SLAMF9: variants seen among roughly 807,000 people sequenced by gnomAD.
The protein encoded by SLAMF9 is CD2 family member 10.
SLAMF9 carries 25 observed loss-of-function variants against 30.4 expected under a neutral mutation model. The ratio of observed to expected loss-of-function variants is 0.82; its 90% CI spans 0.60 to 1.15. The LOEUF (loss-of-function observed/expected upper bound fraction) is 1.15. Ranked by LOEUF, SLAMF9 falls within the 50% of genes most tolerant of loss-of-function variation. The probability of loss-of-function intolerance (pLI) is 0.00; values close to 1 mark genes in which losing one functional copy is unlikely to be tolerated. For missense variants in SLAMF9, 344 were observed against 346.1 expected (o/e 0.99, Z 0.05); for synonymous variants, 129 against 127.2 (o/e 1.01, Z -0.09).
At chr1:159,958,318 G>C (rs1214782444), upstream of SLAMF9, among the ~76,000 whole-genome samples, 1 of 152,182 alleles carries the variant, frequency 6.6e-6, no homozygotes, top group Non-Finnish European at 1.5e-5. Flanking sequence ...TATTAAACCT[G>C]TCTCCATAAG....
chr1:159,979,987 G>A, the SLAMF9 span, among the ~76,000 whole-genome samples: 6 of 152,322 alleles, frequency 3.9e-5, no homozygotes, highest in African/African-American at 9.6e-5. Context: ...GGGTGGTGAG[G>A]TCTGGATGGA....
At chr1:159,973,497 G>A in the SLAMF9 span, among the ~76,000 whole-genome samples, 5 of 152,334 alleles carry the variant, frequency 3.3e-5, no homozygotes, top group African/African-American at 1.2e-4. Flanking sequence ...GTCAGAGGCA[G>A]AGGGGGCCTT....
At chr1:159,974,579 C>G in the SLAMF9 span, among the ~76,000 whole-genome samples, 1 of 152,202 alleles carries the variant, frequency 6.6e-6, no homozygotes, top group Non-Finnish European at 1.5e-5. Flanking sequence ...TCCTTAAAGG[C>G]TCCCAGAGGT....
chr1:159,958,134 C>G (rs546891267), upstream of SLAMF9, among the ~76,000 whole-genome samples: 1 of 152,350 alleles, frequency 6.6e-6, no homozygotes, highest in African/African-American at 2.4e-5. Flanking sequence ...AGGACTCTTG[C>G]TGTGCACAGC....
At chr1:159,956,806 C>T (rs988472010), upstream of SLAMF9, among the ~76,000 whole-genome samples, 3 of 152,112 alleles carry the variant, frequency 2.0e-5, no homozygotes, top group Admixed American at 6.5e-5. Flanking sequence ...CATAAGTTCA[C>T]TTAATGTGGA....
At chr1:159,956,457 T>G (rs1651924684), upstream of SLAMF9, among the ~76,000 whole-genome samples, 1 of 150,934 alleles carries the variant, frequency 6.6e-6, no homozygotes, top group African/African-American at 2.4e-5. Flanking sequence ...CCACCCAGAA[T>G]AGAGATGCAT....
At chr1:159,962,129 G>A in the SLAMF9 span, among the ~76,000 whole-genome samples, 1 of 151,838 alleles carries the variant, frequency 6.6e-6, no homozygotes, top group Non-Finnish European at 1.5e-5. Context: ...CTGTACTCCA[G>A]CCTGGGGACA....
At chr1:159,973,737 C>G in the SLAMF9 span, 3 of 1,499,556 alleles carry the variant, frequency 2.0e-6, no homozygotes, top group South Asian at 3.4e-5. Context: ...CTACTGATCT[C>G]TAGAGACGGG....
the SLAMF9 span, among the ~76,000 whole-genome samples, chr1:159,961,706 G>T: frequency 2.6e-5 from 4 of 152,168 alleles, no homozygotes; most frequent in African/African-American, 9.7e-5. Context: ...TCCTTGGGGT[G>T]GGGGAGAGAG....
chr1:159,981,217 C>G, the SLAMF9 span, among the ~76,000 whole-genome samples: 1 of 152,090 alleles, frequency 6.6e-6, no homozygotes, highest in Non-Finnish European at 1.5e-5. Flanking sequence ...GAAACCAGGA[C>G]ACAGATGCAC....
At chr1:159,968,545 CTCT>C in the SLAMF9 span, among the ~76,000 whole-genome samples, 1 of 152,202 alleles carries the variant, frequency 6.6e-6, no homozygotes, top group Admixed American at 6.5e-5. Flanking sequence ...ACCCATGGTA[CTCT>C]TCTCTCTTGG....
At chr1:159,975,960 T>A in the SLAMF9 span, among the ~76,000 whole-genome samples, 1 of 152,214 alleles carries the variant, frequency 6.6e-6, no homozygotes, top group Non-Finnish European at 1.5e-5. Context: ...AGTTAAAGTC[T>A]ATATGTAACT....
At chr1:159,967,630 C>T in the SLAMF9 span, among the ~76,000 whole-genome samples, 2 of 152,190 alleles carry the variant, frequency 1.3e-5, no homozygotes, top group African/African-American at 2.4e-5. Flanking sequence ...TTTTCTATTT[C>T]GCGAAGAGTG....
chr1:159,976,332 T>C, the SLAMF9 span, among the ~76,000 whole-genome samples: 1 of 152,114 alleles, frequency 6.6e-6, no homozygotes. Context: ...GAGCCCAAGA[T>C]AAAGTGTTAG....
In SLAMF9 at chr1:159,953,585, TGA is replaced by T; in HGVS notation, c.113_114del (p.Ile38LysfsTer10). On this transcript the variant is annotated frameshift_variant, in exon 2 of 4. Coordinates refer to ENST00000368093, the MANE Select transcript of SLAMF9 (RefSeq NM_033438.4). LOFTEE classifies it high-confidence loss of function. Reference protein sequence around the residue: ...EEVVAVLQESISLPLEIPPDE... With the variant: ...EEVVAVLQESXSLPLEIPPDE... The stretch of plus-strand genomic sequence containing the variant: ...TCTGGTGGTATTTCCAGGGGGAGGC[TGA>T]TGGACTCCTGAAGGACCGCAACCAC... 1 of 1,614,078 alleles carries T rather than the reference TGA, an allele frequency of 6.2e-7. No individual in the cohort carries two copies. Among genetic ancestry groups the T allele is most frequent in the Non-Finnish European group, 8.5e-7 (1 of 1,179,938 alleles).
chr1:159,958,793 T>C (rs1189181554), upstream of SLAMF9, among the ~76,000 whole-genome samples: 1 of 152,110 alleles, frequency 6.6e-6, no homozygotes, highest in Non-Finnish European at 1.5e-5. Flanking sequence ...TGCTAATGGA[T>C]TGTGATTCAA....
chr1:159,976,471 T>C, the SLAMF9 span, among the ~76,000 whole-genome samples: 9 of 152,304 alleles, frequency 5.9e-5, no homozygotes, highest in South Asian at 1.9e-3. Flanking sequence ...GTTTAGAATG[T>C]AAGGGAAGAC....
the SLAMF9 span, among the ~76,000 whole-genome samples, chr1:159,970,574 C>T: frequency 6.6e-6 from 1 of 152,238 alleles, no homozygotes; most frequent in African/African-American, 2.4e-5. Context: ...GGATAGAACA[C>T]TAAAGCATAG....
the SLAMF9 span, among the ~76,000 whole-genome samples, chr1:159,974,620 C>T: frequency 1.3e-5 from 2 of 152,194 alleles, no homozygotes; most frequent in Admixed American, 6.5e-5. Context: ...ACACCAATAC[C>T]GATCCCCAGC....
Sources: allele counts gnomAD v4.1 joint callset (sites outside exome capture counted in the v4.1 genomes callset), GRCh38; gene constraint gnomAD v4.1.1; transcripts MANE v1.5; gene names NCBI Gene and HGNC (gene_info 2026-07-23, HGNC 2026-07-21).